The following TTLL7 variants were observed in gnomAD, a reference collection of about 807,000 sequenced individuals.
TTLL7 encodes the protein tubulin polyglutamylase TTLL7.
In TTLL7, 53 loss-of-function variants were observed where a neutral mutation model predicts 120.2. The ratio of observed to expected loss-of-function variants is 0.44; its 90% confidence interval spans 0.35 to 0.55. The LOEUF (loss-of-function observed/expected upper bound fraction) is 0.55, where lower values mean the gene tolerates loss of function less well. Ranked by LOEUF, TTLL7 falls within the 20% of genes least tolerant of loss-of-function variation. TTLL7 has a pLI of 0.00. For synonymous variants in TTLL7, 353 were observed against 351.7 expected (o/e 1.00, Z -0.04); for missense variants, 803 against 1,054.7 (o/e 0.76, Z 3.31).
At chr1:83,933,413 T>C (rs1168831062) in intron 9 of TTLL7, among the ~76,000 whole-genome samples, 195 bp downstream of exon 9, 1 of 152,176 alleles carries the variant, frequency 6.6e-6, no homozygotes, top group Non-Finnish European at 1.5e-5. Context: ...TTGGGAAAAG[T>C]AATATCAAAC....
chr1:83,981,830 CAAAA>C (rs749082466), intron 1 of TTLL7, among the ~76,000 whole-genome samples: 1 of 87,024 alleles, frequency 1.1e-5, no homozygotes. Context: ...GACTCTGTCA[CAAAA>C]AAAAAAAAAA....
intron 20 of TTLL7, among the ~76,000 whole-genome samples, chr1:83,875,784 G>A (rs1653877255): frequency 6.6e-6 from 1 of 151,690 alleles, no homozygotes; most frequent in African/African-American, 2.4e-5. Context: ...CTATTGTGTG[G>A]TCTGCTTTTT....
chr1:83,887,889 T>A (rs1655094914), intron 19 of TTLL7, among the ~76,000 whole-genome samples: 1 of 152,024 alleles, frequency 6.6e-6, no homozygotes, highest in African/African-American at 2.4e-5. Flanking sequence ...TATACAAATA[T>A]TTAATATGTA....
chr1:83,987,132 T>G (rs983842893), intron 1 of TTLL7, among the ~76,000 whole-genome samples: 1 of 151,606 alleles, frequency 6.6e-6, no homozygotes, highest in African/African-American at 2.4e-5. Flanking sequence ...CAAAGAAAAT[T>G]TAAAACACAG....
At chr1:83,901,874 G>C (rs1234497076) in intron 18 of TTLL7, 1 of 151,962 alleles carries the variant, frequency 6.6e-6, no homozygotes, top group Non-Finnish European at 1.5e-5. Context: ...TATTACTGAA[G>C]GAATTCGACA....
intron 1 of TTLL7, among the ~76,000 whole-genome samples, chr1:83,992,256 T>C (rs1172230803): frequency 6.6e-6 from 1 of 152,138 alleles, no homozygotes; most frequent in East Asian, 1.9e-4. Flanking sequence ...TATTTGTCTA[T>C]TTCCCTATCA....
intron 1 of TTLL7, among the ~76,000 whole-genome samples, chr1:83,960,323 G>A (rs534986452): frequency 8.5e-5 from 13 of 152,214 alleles, no homozygotes; most frequent in African/African-American, 3.1e-4. Context: ...GGGCAGTAGT[G>A]GAGACAATCT....
chr1:83,967,961 A>C (rs1341216456), intron 1 of TTLL7, among the ~76,000 whole-genome samples: 1 of 152,038 alleles, frequency 6.6e-6, no homozygotes, highest in Non-Finnish European at 1.5e-5. Context: ...TTCAAGAAAA[A>C]CTATTGAACC....
At position 83,921,401 on chromosome 1, in the gene TTLL7, T is replaced by C. The variant is rs1465392648; in HGVS notation, c.1143-7A>G. On this transcript the variant is annotated splice_polypyrimidine_tract_variant and splice_region_variant and intron_variant, in intron 10 of 20. Transcript: ENST00000260505. ...TCTTCTTTTGTCACTGGTCCTAAAA[T>C]ATAAAACATAAGACCATATTCTAGA... The C allele has an allele frequency of 3.1e-6, 5 of 1,609,902 alleles. No homozygotes were observed. The African/African-American group carries it at 5.4e-5, about 17-fold the overall frequency.
chr1:83,987,140 C>T (rs12119424), intron 1 of TTLL7, among the ~76,000 whole-genome samples: 6,307 of 150,484 alleles, frequency 0.042, 157 homozygotes, highest in Middle Eastern at 0.099. Flanking sequence ...ATTTAAAACA[C>T]AGGTATAATT....
At position 83,867,215 on chromosome 1, in the gene TTLL7, C is replaced by T. The variant is rs545666590; in HGVS notation, c.*2747G>A. ...AATAAAAACTTGGGAATATTTTATA[C>T]CTCTAAATCATTTCCATGGCCTCCC... On this transcript the variant is annotated 3_prime_UTR_variant, in exon 21 of 21. Transcript: ENST00000260505. 6.6e-6 allele frequency: 1 copy of T among 151,914 alleles called. No homozygotes were observed. Among genetic ancestry groups the T allele is most frequent in the Non-Finnish European group, 1.5e-5 (1 of 67,890 alleles). 9.4% of individuals were successfully genotyped at this position (151,914 alleles called of 1,614,324 possible).
chr1:83,880,668 AT>A (rs1436723098), intron 20 of TTLL7, among the ~76,000 whole-genome samples: 1 of 152,044 alleles, frequency 6.6e-6, no homozygotes, highest in Non-Finnish European at 1.5e-5. Context: ...CAACTTACAA[AT>A]ATTAAAACTT....
At chr1:83,948,788 T>C (rs1648753153) in intron 4 of TTLL7, 93 bp from the exon 5 acceptor site, 1 of 864,026 alleles carries the variant, frequency 1.2e-6, no homozygotes, top group African/African-American at 1.7e-5. Context: ...TTGAGTTTTA[T>C]GTTTTAATAA....
chr1:83,921,195 A>G, intron 11 of TTLL7, 35 bp from the exon 12 acceptor site: 1 of 1,609,360 alleles, frequency 6.2e-7, no homozygotes, highest in Non-Finnish European at 8.5e-7. Context: ...ATAAAATCCA[A>G]CAAGTGAATT....
intron 1 of TTLL7, among the ~76,000 whole-genome samples, chr1:83,971,953 A>ATTTTTTTTTTTTTTTTTTTTTTTTTTTTT: frequency 6.6e-6 from 1 of 152,012 alleles, no homozygotes; most frequent in Non-Finnish European, 1.5e-5. Context: ...TAAATACTTA[A>ATTTTTTTTTTTTTTTTTTTTTTTTTTTTT]TTTTTAAGAG....
At chr1:83,950,088 T>C in intron 3 of TTLL7, 102 bp from the exon 4 acceptor site, 1 of 1,041,456 alleles carries the variant, frequency 9.6e-7, no homozygotes, top group Non-Finnish European at 1.4e-6. Context: ...AGTATTTCAT[T>C]TGAAAAATAT....
Position 83,969,625 on chromosome 1 carries a change from A to G in TTLL7, c.-176-17238T>C, listed in dbSNP as rs1272777430. On this transcript the variant is annotated intron_variant, in intron 1 of 20. Coordinates refer to ENST00000260505, the MANE Select transcript of TTLL7 (RefSeq NM_024686.6). ...AAAGTGTTTATGCTTTTGATTTGTT[A>G]ATTCCACTTAGGAATCAATCCTGAT... Among the ~76,000 whole-genome samples the G allele has an allele frequency of 2.0e-5, 3 of 152,030 alleles. No individual in the cohort carries two copies. The East Asian group carries it at 5.8e-4, about 29-fold the overall frequency.
rs574324098 is a variant in TTLL7 at position 83,994,748 on chromosome 1, C to T, written c.-177+4183G>A. ...CTTGTGCCCAGGACTTCTGCTCAGA[C>T]CTAAGCAGAGGTCCCAAATTCCTGC... On this transcript the variant is annotated intron_variant, in intron 1 of 20. Coordinates refer to ENST00000260505, the MANE Select transcript of TTLL7 (RefSeq NM_024686.6). Among the ~76,000 whole-genome samples, 12 of 152,298 alleles carry T rather than the reference C, an allele frequency of 7.9e-5. No homozygotes were observed. The South Asian group carries it at 2.3e-3, about 29-fold the overall frequency.
intron 20 of TTLL7, among the ~76,000 whole-genome samples, chr1:83,878,128 G>A (rs1654101028): frequency 6.6e-6 from 1 of 150,684 alleles, no homozygotes; most frequent in Admixed American, 6.6e-5. Context: ...TTGTTTTCCA[G>A]CTTAAAGGCA....
Sources: gnomAD v4.1 joint callset for allele counts (sites outside exome capture counted in the v4.1 genomes callset) on GRCh38, gnomAD v4.1.1 for gene constraint, MANE v1.5 for transcripts, NCBI Gene and HGNC (gene_info 2026-07-23, HGNC 2026-07-21) for gene names.